The following SH3PXD2A variants were observed in gnomAD, a reference collection of about 807,000 sequenced individuals.
SH3PXD2A encodes the protein SH3 and PX domains 2A, also known as SH3 and PX domain-containing protein 2A.
Under a neutral mutation model 115.2 loss-of-function variants are expected in SH3PXD2A, and 32 were observed. The ratio of observed to expected loss-of-function variants is 0.28; its 90% CI spans 0.21 to 0.37. The LOEUF is 0.37. Among genes scored for constraint, SH3PXD2A ranks in the 10% least tolerant of loss-of-function variants. SH3PXD2A has a pLI of 1.00. For missense variants in SH3PXD2A, 1,328 were observed against 1,498.7 expected (o/e 0.89, Z 1.88); for synonymous variants, 610 against 629.1 (o/e 0.97, Z 0.45).
At chr10:103,608,445 A>G (rs560761104) in intron 13 of SH3PXD2A, among the ~76,000 whole-genome samples, 9 of 150,652 alleles carry the variant, frequency 6.0e-5, no homozygotes, top group Admixed American at 4.0e-4. Context: ...AAAAAAAAAA[A>G]AAAAAGAAAA....
chr10:103,606,790 C>G (rs1048811476), intron 13 of SH3PXD2A, among the ~76,000 whole-genome samples: 74 of 152,348 alleles, frequency 4.9e-4, no homozygotes, highest in African/African-American at 1.8e-3. Context: ...GTCTCGTTCA[C>G]TCAGTGCTCA....
chr10:103,825,013 G>A (rs975714936), intron 1 of SH3PXD2A, among the ~76,000 whole-genome samples: 2 of 152,182 alleles, frequency 1.3e-5, no homozygotes, highest in Admixed American at 6.5e-5. Flanking sequence ...AGTTATCCTG[G>A]CTGGTCTTGA....
chr10:103,793,991 T>G (rs2039062462), intron 2 of SH3PXD2A, among the ~76,000 whole-genome samples: 1 of 152,190 alleles, frequency 6.6e-6, no homozygotes, highest in South Asian at 2.1e-4. Flanking sequence ...GTGAGGCACT[T>G]GGAATAAGAA....
chr10:103,723,492 C>T (rs1223859782), intron 5 of SH3PXD2A, among the ~76,000 whole-genome samples: 1 of 152,170 alleles, frequency 6.6e-6, no homozygotes, highest in Non-Finnish European at 1.5e-5. Flanking sequence ...TGTGAGAAAC[C>T]AGCATGGCTG....
intron 8 of SH3PXD2A, among the ~76,000 whole-genome samples, chr10:103,643,299 G>A (rs1025437163): frequency 1.1e-4 from 16 of 152,192 alleles, no homozygotes; most frequent in East Asian, 1.9e-4. Context: ...ACTTGGGGTC[G>A]TTTAACTCTG....
chr10:103,656,827 T>G (rs1331398324), intron 8 of SH3PXD2A, among the ~76,000 whole-genome samples: 1 of 38,326 alleles, frequency 2.6e-5, no homozygotes, highest in Non-Finnish European at 4.6e-5. Flanking sequence ...AAACTCCATC[T>G]CAAAAAAAAA....
chr10:103,736,565 A>G (rs556591217), intron 3 of SH3PXD2A, among the ~76,000 whole-genome samples: 1 of 152,392 alleles, frequency 6.6e-6, no homozygotes, highest in Admixed American at 6.5e-5. Flanking sequence ...GTCTTACACA[A>G]CTGACTTCTG....
At chr10:103,794,841 C>A (rs764778373) in intron 2 of SH3PXD2A, among the ~76,000 whole-genome samples, 1 of 152,222 alleles carries the variant, frequency 6.6e-6, no homozygotes, top group African/African-American at 2.4e-5. Flanking sequence ...GAAGCCCTCT[C>A]GGGAACCTGA....
In SH3PXD2A at chr10:103,661,182, G is replaced by A. The variant is rs554399334; in HGVS notation, c.473-68C>T. On this transcript the variant is annotated intron_variant, in intron 7 of 14. Coordinates refer to ENST00000369774, the MANE Select transcript of SH3PXD2A (RefSeq NM_001394015.1). ...TGGCCCCGCGGCCAGGGCGCCCCCT[G>A]TCCATCGGCCTCCTCGGGGGTGGCT... is the stretch of plus-strand genomic sequence containing the variant. 4 of 1,564,282 alleles carry A rather than the reference G, an allele frequency of 2.6e-6. No individual in the cohort carries two copies. The Admixed American group carries it at 7.1e-5, about 28-fold the overall frequency.
intron 1 of SH3PXD2A, among the ~76,000 whole-genome samples, chr10:103,848,106 G>T (rs1048942246): frequency 3.9e-5 from 6 of 152,134 alleles, no homozygotes; most frequent in Admixed American, 1.3e-4. Context: ...TGCCACTGGG[G>T]GAGTGTGGAT....
chr10:103,743,972 T>C (rs2038471805), intron 3 of SH3PXD2A, among the ~76,000 whole-genome samples: 1 of 152,176 alleles, frequency 6.6e-6, no homozygotes, highest in African/African-American at 2.4e-5. Flanking sequence ...TTGATGGAAC[T>C]GGATGTAATG....
rs187514738 is a variant in SH3PXD2A at position 103,729,986 on chromosome 10, C to A, written c.307-5625G>T. Among the ~76,000 whole-genome samples, 14 of 152,336 alleles carry A rather than the reference C, an allele frequency of 9.2e-5. No individual in the cohort carries two copies. The East Asian group carries it at 1.9e-3, about 21-fold the overall frequency. ...GCATTGTGTGTCTCTAAGACCTCCACTCAGCTATGGTGAGCACAAGTGTGG... is the reference window on the plus strand; with the variant it reads ...GCATTGTGTGTCTCTAAGACCTCCAATCAGCTATGGTGAGCACAAGTGTGG... On this transcript the variant is annotated intron_variant, in intron 4 of 14. Transcript: ENST00000369774.
At chr10:103,842,910 C>T (rs529757443) in intron 1 of SH3PXD2A, among the ~76,000 whole-genome samples, 1 of 152,236 alleles carries the variant, frequency 6.6e-6, no homozygotes, top group East Asian at 1.9e-4. Context: ...GCTGAACAAT[C>T]CAAGGTCATT....
At chr10:103,686,271 T>G (rs1424066675) in intron 6 of SH3PXD2A, among the ~76,000 whole-genome samples, 1 of 152,242 alleles carries the variant, frequency 6.6e-6, no homozygotes, top group African/African-American at 2.4e-5. Flanking sequence ...ACAGGACTCC[T>G]GGGTTGGATG....
intron 2 of SH3PXD2A, among the ~76,000 whole-genome samples, chr10:103,789,292 T>C (rs2039010991): frequency 6.6e-6 from 1 of 152,188 alleles, no homozygotes; most frequent in Non-Finnish European, 1.5e-5. Context: ...GTCTACATCC[T>C]GGGCTGCCCA....
intron 2 of SH3PXD2A, among the ~76,000 whole-genome samples, chr10:103,799,874 C>T (rs1481313030): frequency 6.6e-6 from 1 of 152,110 alleles, no homozygotes; most frequent in Non-Finnish European, 1.5e-5. Context: ...CTTTCAATCC[C>T]ATATTCAATG....
intron 8 of SH3PXD2A, among the ~76,000 whole-genome samples, chr10:103,639,811 T>C (rs2036926320): frequency 1.3e-5 from 2 of 151,786 alleles, no homozygotes; most frequent in Admixed American, 6.6e-5. Context: ...CTGTAAATGA[T>C]GTGGATGGTG....
chr10:103,608,462 T>C (rs1338975165), intron 13 of SH3PXD2A, among the ~76,000 whole-genome samples: 2 of 148,176 alleles, frequency 1.3e-5, no homozygotes, highest in Non-Finnish European at 3.0e-5. Context: ...AAAAATTGTG[T>C]TGGGATTTAA....
chr10:103,649,906 G>T (rs759108369), intron 8 of SH3PXD2A, among the ~76,000 whole-genome samples: 3 of 152,166 alleles, frequency 2.0e-5, no homozygotes, highest in Non-Finnish European at 2.9e-5. Flanking sequence ...CCTGAGGGGG[G>T]ACTCAGCCAG....
Sources: allele counts gnomAD v4.1 joint callset (sites outside exome capture counted in the v4.1 genomes callset), GRCh38; gene constraint gnomAD v4.1.1; transcripts MANE v1.5; gene names NCBI Gene and HGNC (gene_info 2026-07-23, HGNC 2026-07-21).